The following SUZ12 variants were observed in gnomAD, a reference collection of about 807,000 sequenced individuals.
The protein encoded by SUZ12 is polycomb protein SUZ12.
In SUZ12, 17 loss-of-function variants were observed where a neutral mutation model predicts 87.3. The observed-to-expected ratio is 0.19, with a 90% confidence interval of 0.13 to 0.29. SUZ12 has a LOEUF of 0.29. Among genes scored for constraint, SUZ12 ranks in the 10% least tolerant of loss-of-function variants. SUZ12 has a pLI of 1.00. For synonymous variants in SUZ12, 253 were observed against 312.4 expected, an observed-to-expected ratio of 0.81 and a Z score of 2.01; for missense variants, 526 against 912.2, an observed-to-expected ratio of 0.58 and a Z score of 5.45.
intron 14 of SUZ12, among the ~76,000 whole-genome samples, 200 bp from the exon 15 acceptor site, chr17:31,996,598 G>A (rs990436462): frequency 6.6e-6 from 1 of 152,130 alleles, no homozygotes; most frequent in African/African-American, 2.4e-5. Flanking sequence ...CAGCCTGGGC[G>A]ATAGAGCAAG....
chr17:31,977,273 C>CTTTT (rs762777458), intron 8 of SUZ12, among the ~76,000 whole-genome samples: 10 of 117,328 alleles, frequency 8.5e-5, no homozygotes, highest in African/African-American at 2.6e-4. Flanking sequence ...GAGATCCCAT[C>CTTTT]TTTTTTTTTT....
Position 31,950,043 on chromosome 17 carries a change from TG to T in SUZ12, c.455+2360del, listed in dbSNP as rs1287084612. ...GGAGGTTTGCTCTTGTTGTGCAGGCTGGAATGCAATGGCGTGATCTCCGCTC... is the reference window on the plus strand; with the variant it reads ...GGAGGTTTGCTCTTGTTGTGCAGGCTGAATGCAATGGCGTGATCTCCGCTC... On this transcript the variant is annotated intron_variant, in intron 4 of 15. Coordinates refer to ENST00000322652, the MANE Select transcript of SUZ12 (RefSeq NM_015355.4). 2.0e-5 allele frequency among the ~76,000 whole-genome samples: 3 copies of T among 151,958 alleles called. No homozygotes were observed. In the East Asian group the frequency reaches 5.8e-4, roughly 30 times the overall value.
chr17:31,997,948 A>G lies in SUZ12; in HGVS notation c.1875-710A>G, dbSNP rs539689174. ...TTCTTATTCCTTTGTGGCTAAAAGTATGTTCCCGGCTTGGTGTGGTGGCTC... is the reference window on the plus strand; with the variant it reads ...TTCTTATTCCTTTGTGGCTAAAAGTGTGTTCCCGGCTTGGTGTGGTGGCTC... On this transcript the variant is annotated intron_variant, in intron 15 of 15. Transcript: ENST00000322652. Among the ~76,000 whole-genome samples, 3 of 152,188 alleles carry G rather than the reference A, an allele frequency of 2.0e-5. No homozygotes were observed. In the East Asian group the frequency reaches 5.8e-4, roughly 29 times the overall value.
intron 5 of SUZ12, among the ~76,000 whole-genome samples, chr17:31,972,375 T>TTG (rs1165761293): frequency 9.6e-4 from 127 of 132,884 alleles, no homozygotes; most frequent in East Asian, 2.5e-3. Context: ...GTATGTGTGT[T>TTG]TGTGTGTGTA....
intron 3 of SUZ12, among the ~76,000 whole-genome samples, chr17:31,942,380 G>A (rs925435234): frequency 6.0e-5 from 9 of 151,238 alleles, no homozygotes; most frequent in African/African-American, 2.2e-4. Context: ...TTGTTGCCCA[G>A]GCTGGAGTGC....
In SUZ12 at chr17:31,994,708, A is replaced by G. The variant is rs748916407; in HGVS notation, c.1582A>G (p.Ile528Val). ...AGTTAAGAGAACACCTATCACACAT[A>G]TTCTTGTGTGCAGGTAGGTAAAAAG... ...GPVKRTPITH[I>V]LVCRPKRTKA... The change falls in exon 13 of 16, where the codon ATT (isoleucine) becomes GTT (valine). Residue 528 changes from isoleucine to valine, a missense_variant. Ile to Val is a conservative substitution (Grantham distance 29, BLOSUM62 3). Around this residue, in one of 9 missense-constraint regions of SUZ12, gnomAD observed 143 missense variants for 321.6 expected, o/e 0.44. Coordinates refer to ENST00000322652, the MANE Select transcript of SUZ12 (RefSeq NM_015355.4). The G allele has an allele frequency of 1.7e-5, 27 of 1,613,660 alleles. No homozygotes were observed. The highest frequency in any genetic ancestry group is 3.4e-6 in the Non-Finnish European group (4 of 1,179,898).
rs572318416 is a variant in SUZ12 at position 31,949,027 on chromosome 17, C to T, written c.455+1342C>T. Among the ~76,000 whole-genome samples, 27 of 152,210 alleles carry T rather than the reference C, an allele frequency of 1.8e-4. No homozygotes were observed. In the East Asian group the frequency reaches 4.8e-3, roughly 27 times the overall value. ...GACCTCCCTGCTTCTTTTCTCCTGA[C>T]CACATTAAAAGTTTGCCCTATAGTC... On this transcript the variant is annotated intron_variant, in intron 4 of 15. Coordinates refer to ENST00000322652, the MANE Select transcript of SUZ12 (RefSeq NM_015355.4).
Position 31,996,875 on chromosome 17 carries a change from T to A in SUZ12, c.1872T>A (p.His624Gln), listed in dbSNP as rs1317718108. The change falls in exon 15 of 16, where the codon CAT becomes CAA. Residue 624 changes from histidine (H) to glutamine (Q), a missense_variant and splice_region_variant. Around this residue, in one of 9 missense-constraint regions of SUZ12, gnomAD observed 143 missense variants for 321.6 expected, o/e 0.44. Transcript: ENST00000322652. Reference sequence around the variant, plus strand: ...TCTGGAATCTCCATGTCATGAAGCATGGGTAGGGTATTTCTAAATTAATTT... The same window carrying A: ...TCTGGAATCTCCATGTCATGAAGCAAGGGTAGGGTATTTCTAAATTAATTT... ...MKLWNLHVMKHGFIADNQMNH... is the reference protein window; with the variant it reads ...MKLWNLHVMKQGFIADNQMNH... The A allele has an allele frequency of 6.7e-7, 1 of 1,497,316 alleles. No homozygotes were observed. The highest frequency in any genetic ancestry group is 8.9e-7 in the Non-Finnish European group (1 of 1,128,504). 92.8% of individuals were successfully genotyped at this position (1,497,316 alleles called of 1,614,324 possible).
At chr17:31,980,740 G>A (rs970233746) in intron 8 of SUZ12, among the ~76,000 whole-genome samples, 7 of 151,778 alleles carry the variant, frequency 4.6e-5, no homozygotes, top group Admixed American at 1.3e-4. Context: ...GAGCCACTGC[G>A]CCCCGGCCTA....
chr17:31,967,259 G>C (rs1908153189), intron 5 of SUZ12: 1 of 151,558 alleles, frequency 6.6e-6, no homozygotes, highest in Non-Finnish European at 1.5e-5. Flanking sequence ...TGTGTATATG[G>C]CATATCTTTT....
chr17:31,960,292 C>T lies in SUZ12; in HGVS notation c.456-5855C>T, dbSNP rs147610867. Among the ~76,000 whole-genome samples, 10 of 152,052 alleles carry T rather than the reference C, an allele frequency of 6.6e-5. No individual in the cohort carries two copies. The South Asian group carries it at 2.1e-3, about 32-fold the overall frequency. On this transcript the variant is annotated intron_variant, in intron 4 of 15. Transcript: ENST00000322652. ...GTGATGCAATCTCGGCTCACTGCAA[C>T]CTCCGCCTCCCAGGTTTAAGCGATT... is the stretch of plus-strand genomic sequence containing the variant.
At chr17:31,970,148 C>A (rs1447253027) in intron 5 of SUZ12, among the ~76,000 whole-genome samples, 1 of 152,154 alleles carries the variant, frequency 6.6e-6, no homozygotes, top group East Asian at 1.9e-4. Flanking sequence ...AGAATGAATA[C>A]ACAAAGATTA....
In SUZ12 at chr17:31,999,984, A is replaced by C. The variant is rs1161877905; in HGVS notation, c.*981A>C. The C allele has an allele frequency of 4.3e-6, 1 of 232,670 alleles. No individual in the cohort carries two copies. The highest frequency in any genetic ancestry group is 5.6e-5 in the Admixed American group (1 of 17,760). The allele number at this position is 232,670 out of a possible 1,614,324, so 14.4% of individuals were successfully genotyped here. On this transcript the variant is annotated 3_prime_UTR_variant, in exon 16 of 16. Coordinates refer to ENST00000322652, the MANE Select transcript of SUZ12 (RefSeq NM_015355.4). ...CTTTGTAATGTGTTTCATGAATAGA[A>C]TATCCAATAGAGATAAGCTGACTTG...
At chr17:31,960,286 C>T (rs1232818515) in intron 4 of SUZ12, among the ~76,000 whole-genome samples, 1 of 152,152 alleles carries the variant, frequency 6.6e-6, no homozygotes, top group Non-Finnish European at 1.5e-5. Context: ...TCTCGGCTCA[C>T]TGCAACCTCC....
At chr17:31,964,487 A>G (rs1399803278) in intron 4 of SUZ12, among the ~76,000 whole-genome samples, 1 of 150,218 alleles carries the variant, frequency 6.7e-6, no homozygotes, top group Non-Finnish European at 1.5e-5. Flanking sequence ...GCTCACTGTA[A>G]CCTCTGCCTC....
chr17:31,976,642 C>T (rs1908770819), intron 8 of SUZ12, 28 bp downstream of exon 8: 2 of 1,485,062 alleles, frequency 1.3e-6, no homozygotes, highest in Non-Finnish European at 1.9e-6. Flanking sequence ...GTGAGGCTCC[C>T]ACAATGTTCT....
chr17:31,989,386 GA>G (rs1044031151), intron 10 of SUZ12, among the ~76,000 whole-genome samples: 34 of 148,706 alleles, frequency 2.3e-4, no homozygotes, highest in Non-Finnish European at 4.6e-4. Context: ...AATTTGAATT[GA>G]AAAAAAAAAT....
chr17:31,996,765 T>C, intron 14 of SUZ12, 33 bp from the exon 15 acceptor site: 1 of 1,412,624 alleles, frequency 7.1e-7, no homozygotes, highest in Admixed American at 2.6e-5. Context: ...TTAAAATATG[T>C]GTTTAATAGG....
chr17:31,975,385 A>G (rs1215585310), intron 6 of SUZ12, 97 bp from the exon 7 acceptor site: 1 of 793,476 alleles, frequency 1.3e-6, no homozygotes, highest in Non-Finnish European at 1.9e-6. Flanking sequence ...ATCATGGCCT[A>G]TCTCCCGTGT....
Sources: gnomAD v4.1 joint callset for allele counts (sites outside exome capture counted in the v4.1 genomes callset) on GRCh38, gnomAD v4.1.1 for gene constraint, gnomAD v4.1.1 regional missense constraint, MANE v1.5 for transcripts, NCBI Gene and HGNC (gene_info 2026-07-23, HGNC 2026-07-21) for gene names.